FAM227B: variants seen among roughly 807,000 people sequenced by gnomAD.
FAM227B encodes protein FAM227B.
Under a neutral mutation model 73.8 loss-of-function variants are expected in FAM227B, and 88 were observed. That is an observed-to-expected ratio of 1.19 (90% CI 1.00 to 1.42). The LOEUF (loss-of-function observed/expected upper bound fraction) is 1.42, where lower values mean the gene tolerates loss of function less well. Ranked by LOEUF, FAM227B falls within the 40% of genes most tolerant of loss-of-function variation. The pLI is 0.00. For synonymous variants in FAM227B, 210 were observed against 190.5 expected (o/e 1.10, Z -0.84); for missense variants, 632 against 590.9 (o/e 1.07, Z -0.72).
chr15:49,531,887 T>A (rs1008825738), intron 10 of FAM227B, among the ~76,000 whole-genome samples: 7 of 151,908 alleles, frequency 4.6e-5, no homozygotes, highest in Non-Finnish European at 8.8e-5. Context: ...TGTTGTTGAA[T>A]ACTGCCAAAA....
chr15:49,357,692 T>G (rs1181764485), intron 13 of FAM227B, among the ~76,000 whole-genome samples: 2 of 151,878 alleles, frequency 1.3e-5, no homozygotes, highest in Non-Finnish European at 2.9e-5. Flanking sequence ...CTTCTGAAAC[T>G]ATTCCAATCA....
chr15:49,415,175 G>T (rs2049128275), intron 11 of FAM227B, among the ~76,000 whole-genome samples: 1 of 152,062 alleles, frequency 6.6e-6, no homozygotes, highest in Non-Finnish European at 1.5e-5. Context: ...ATTTTTAAAA[G>T]AAAAATTGCT....
intron 5 of FAM227B, among the ~76,000 whole-genome samples, chr15:49,580,221 A>C (rs555640591): frequency 1.3e-5 from 2 of 152,324 alleles, no homozygotes; most frequent in Admixed American, 6.5e-5. Context: ...TCATTTGATA[A>C]AACTAAGTAG....
At chr15:49,387,034 C>G (rs183807694) in intron 11 of FAM227B, among the ~76,000 whole-genome samples, 3 of 151,802 alleles carry the variant, frequency 2.0e-5, no homozygotes. Context: ...AGCCCAGGAC[C>G]AGATGGATTC....
intron 10 of FAM227B, among the ~76,000 whole-genome samples, chr15:49,527,943 T>C (rs1410899644): frequency 3.3e-5 from 5 of 151,776 alleles, no homozygotes; most frequent in Non-Finnish European, 7.4e-5. Context: ...AACAATCTAC[T>C]GATTCAATGC....
chr15:49,553,149 T>C (rs1210125772), intron 9 of FAM227B, among the ~76,000 whole-genome samples: 1 of 152,234 alleles, frequency 6.6e-6, no homozygotes, highest in Admixed American at 6.5e-5. Context: ...GGTGTTGTGA[T>C]ATAAGCTGTA....
chr15:49,464,432 G>A (rs1027126151), intron 11 of FAM227B, among the ~76,000 whole-genome samples: 7 of 152,262 alleles, frequency 4.6e-5, no homozygotes, highest in African/African-American at 1.4e-4. Context: ...CTAAAAGTAT[G>A]TACGTGTAGT....
At chr15:49,469,654 G>C (rs570184401) in intron 11 of FAM227B, among the ~76,000 whole-genome samples, 1 of 152,042 alleles carries the variant, frequency 6.6e-6, no homozygotes, top group Admixed American at 6.5e-5. Flanking sequence ...TTTACTATAA[G>C]GCAGACAAAA....
At chr15:49,333,514 A>C (rs544208474) in intron 14 of FAM227B, among the ~76,000 whole-genome samples, 1 of 152,346 alleles carries the variant, frequency 6.6e-6, no homozygotes, top group East Asian at 1.9e-4. Flanking sequence ...GAAACTTGTA[A>C]GAGTCACCCG....
chr15:49,570,108 T>C (rs115968634), intron 8 of FAM227B, among the ~76,000 whole-genome samples: 2,590 of 152,146 alleles, frequency 0.017, 37 homozygotes, highest in Middle Eastern at 0.037. Flanking sequence ...AATAGAGTTA[T>C]GTATTTGACA....
intron 11 of FAM227B, among the ~76,000 whole-genome samples, chr15:49,449,585 T>G (rs1343694005): frequency 1.3e-5 from 2 of 152,020 alleles, no homozygotes; most frequent in Non-Finnish European, 2.9e-5. Context: ...AACCTTATAC[T>G]TCTATTAAGG....
chr15:49,386,754 G>A (rs2046909497), intron 11 of FAM227B, among the ~76,000 whole-genome samples: 2 of 151,662 alleles, frequency 1.3e-5, no homozygotes, highest in Non-Finnish European at 1.5e-5. Flanking sequence ...TAGACCATTA[G>A]CTAGATTAAC....
intron 11 of FAM227B, among the ~76,000 whole-genome samples, chr15:49,497,836 T>C (rs1302515820): frequency 6.6e-6 from 1 of 152,260 alleles, no homozygotes; most frequent in Non-Finnish European, 1.5e-5. Flanking sequence ...TTAGAAATTC[T>C]GGCCCATTGT....
intron 11 of FAM227B, among the ~76,000 whole-genome samples, chr15:49,476,210 C>T (rs1296238643): frequency 2.4e-4 from 22 of 91,498 alleles, no homozygotes; most frequent in Non-Finnish European, 4.7e-4. Context: ...ATTTATTTTG[C>T]TGTTTTGTTT....
chr15:49,556,940 T>A (rs758690861), intron 9 of FAM227B, among the ~76,000 whole-genome samples: 1 of 152,200 alleles, frequency 6.6e-6, no homozygotes, highest in African/African-American at 2.4e-5. Context: ...GATGCCAGGA[T>A]TCCAGAGGTC....
intron 9 of FAM227B, among the ~76,000 whole-genome samples, chr15:49,562,702 CA>C (rs1480635481): frequency 6.6e-6 from 1 of 151,988 alleles, no homozygotes; most frequent in African/African-American, 2.4e-5. Flanking sequence ...TCAGCGTACA[CA>C]AATCAACAAA....
chr15:49,383,878 G>A (rs916430609), intron 11 of FAM227B, among the ~76,000 whole-genome samples: 1 of 152,028 alleles, frequency 6.6e-6, no homozygotes, highest in Non-Finnish European at 1.5e-5. Flanking sequence ...CTAATGATGG[G>A]CCATAGTTTT....
At chr15:49,542,722 A>G (rs1007912644) in intron 9 of FAM227B, among the ~76,000 whole-genome samples, 17 of 149,274 alleles carry the variant, frequency 1.1e-4, no homozygotes, top group African/African-American at 4.2e-4. Flanking sequence ...ATATATATAT[A>G]TATAATTAAA....
intron 5 of FAM227B, among the ~76,000 whole-genome samples, chr15:49,581,606 C>A (rs568870823): frequency 1.3e-5 from 2 of 152,164 alleles, no homozygotes; most frequent in African/African-American, 4.8e-5. Flanking sequence ...CGTGAGCCAC[C>A]GTACCCAGAT....
Sources: gnomAD v4.1 joint callset for allele counts (sites outside exome capture counted in the v4.1 genomes callset) on GRCh38, gnomAD v4.1.1 for gene constraint, MANE v1.5 for transcripts, NCBI Gene and HGNC (gene_info 2026-07-23, HGNC 2026-07-21) for gene names.